Variants in MORN3 observed in about 807,000 individuals in gnomAD.
MORN3 encodes MORN repeat containing 3.
In MORN3, 38 loss-of-function variants were observed where a neutral mutation model predicts 34.7. That is an observed-to-expected ratio of 1.10 (90% CI 0.85 to 1.44). MORN3 has a LOEUF of 1.44. Ranked by LOEUF, MORN3 falls within the 40% of genes most tolerant of loss-of-function variation. MORN3 has a pLI of 0.00. For synonymous variants in MORN3, 109 were observed against 115.3 expected (o/e 0.95, Z 0.35); for missense variants, 311 against 321.7 (o/e 0.97, Z 0.25).
upstream of MORN3, among the ~76,000 whole-genome samples, chr12:121,669,828 ATATATTT>A (rs1002512074): frequency 1.2e-4 from 14 of 117,474 alleles, no homozygotes; most frequent in Admixed American, 1.1e-3. Flanking sequence ...ATATATATAT[ATATATTT>A]TTTTTTTTAT....
At chr12:121,669,851 C>T (rs1348647604), upstream of MORN3, among the ~76,000 whole-genome samples, 7 of 137,104 alleles carry the variant, frequency 5.1e-5, no homozygotes, top group Non-Finnish European at 1.1e-4. Flanking sequence ...TTTATGTCTT[C>T]TAAATATTTT....
chr12:121,654,308 G>A lies in MORN3; in HGVS notation c.429C>T (p.Asn143=), dbSNP rs368354522. ...NGDIYEGQWE[N]DKPNGEGMLR... The stretch of plus-strand genomic sequence containing the variant: ...GCATGCCCTCCCCGTTGGGCTTGTC[G>A]TTCTCCCACTGTCCCTCGTAGATGT... The change falls in exon 3 of 6, where the codon AAC becomes AAT. Residue 143 remains asparagine, a synonymous_variant. Transcript: ENST00000355329. 215 of 1,599,110 alleles carry A rather than the reference G, an allele frequency of 1.3e-4. No homozygotes were observed. The highest frequency in any genetic ancestry group is 7.6e-4 in the Admixed American group (44 of 57,648).
Position 121,659,172 on chromosome 12 carries a change from G to T in MORN3, c.303+19C>A. On this transcript the variant is annotated intron_variant, in intron 2 of 5. Transcript: ENST00000355329. Reference sequence around the variant, plus strand: ...ACACACACACACACACACACACCCCGGCTGGCAGGCCTGCTCACCGATTTC... The same window carrying T: ...ACACACACACACACACACACACCCCTGCTGGCAGGCCTGCTCACCGATTTC... 6.5e-7 allele frequency: 1 copy of T among 1,548,468 alleles called. No individual in the cohort carries two copies. Among genetic ancestry groups the T allele is most frequent in the Non-Finnish European group, 8.8e-7 (1 of 1,137,522 alleles).
chr12:121,658,022 C>T (rs1238802832), intron 2 of MORN3, among the ~76,000 whole-genome samples: 3 of 152,154 alleles, frequency 2.0e-5, no homozygotes, highest in Admixed American at 2.0e-4. Flanking sequence ...ATGATTTTAT[C>T]TCTGACCAAT....
intron 1 of MORN3, among the ~76,000 whole-genome samples, chr12:121,660,691 G>A (rs1390420491): frequency 5.9e-5 from 8 of 134,726 alleles, no homozygotes; most frequent in East Asian, 4.6e-4. Context: ...TTTTTAAGAC[G>A]GAGTTTTGCT....
intron 1 of MORN3, among the ~76,000 whole-genome samples, chr12:121,662,452 C>T (rs941015720): frequency 2.6e-5 from 4 of 151,748 alleles, no homozygotes; most frequent in Non-Finnish European, 4.4e-5. Context: ...GACGACAGAG[C>T]GAGACTGTCT....
intron 2 of MORN3, among the ~76,000 whole-genome samples, chr12:121,655,579 T>G (rs1219823757): frequency 6.6e-6 from 1 of 151,476 alleles, no homozygotes; most frequent in African/African-American, 2.4e-5. Flanking sequence ...AGTGTGGTGG[T>G]GGGCACCTGT....
chr12:121,671,186 T>TCACGA (rs1893956963), upstream of MORN3, among the ~76,000 whole-genome samples: 1 of 148,854 alleles, frequency 6.7e-6, no homozygotes, highest in Non-Finnish European at 1.5e-5. Flanking sequence ...GGCGGGTGGA[T>TCACGA]CACGAGGTCA....
chr12:121,658,891 G>A (rs1555326002), intron 2 of MORN3, among the ~76,000 whole-genome samples: 1 of 152,108 alleles, frequency 6.6e-6, no homozygotes, highest in Non-Finnish European at 1.5e-5. Flanking sequence ...GCCAGGAAAC[G>A]AGGGGGAAAA....
At chr12:121,654,202 C>T in intron 3 of MORN3, 72 bp downstream of exon 3, 1 of 1,264,816 alleles carries the variant, frequency 7.9e-7, no homozygotes, top group Non-Finnish European at 1.1e-6. Context: ...TCTGTGGGAC[C>T]AAATGGGCGT....
At position 121,650,579 on chromosome 12, in the gene MORN3, T is replaced by G. The variant is rs1893230900; in HGVS notation, c.*1072A>C. On this transcript the variant is annotated 3_prime_UTR_variant, in exon 6 of 6. Transcript: ENST00000355329. ...CAGGCTCGATGGCTCACACCTGTAA[T>G]CCCAGCACTTTAGGAGACTGAGCGG... 8.0e-6 allele frequency: 1 copy of G among 125,376 alleles called. No homozygotes were observed. The highest frequency in any genetic ancestry group is 1.6e-5 in the Non-Finnish European group (1 of 61,876). 7.8% of individuals were successfully genotyped at this position (125,376 alleles called of 1,614,324 possible).
intron 1 of MORN3, among the ~76,000 whole-genome samples, chr12:121,659,627 C>T (rs1893520760): frequency 6.6e-6 from 1 of 151,650 alleles, no homozygotes. Context: ...CTCTGCCTCC[C>T]GGGTTCAGGA....
At chr12:121,662,252 A>C (rs2136878030) in intron 1 of MORN3, among the ~76,000 whole-genome samples, 1 of 152,142 alleles carries the variant, frequency 6.6e-6, no homozygotes, top group South Asian at 2.1e-4. Context: ...AAATCACTTG[A>C]GGCTAGAAGT....
rs372751033 is a variant in MORN3, at chr12:121,657,596, G to A, written c.303+1595C>T. On this transcript the variant is annotated intron_variant, in intron 2 of 5. Coordinates refer to ENST00000355329, the MANE Select transcript of MORN3 (RefSeq NM_173855.5). ...AATAATACAACCCAGGGCCAGGCGC[G>A]GTGGCTCATGCCCGTAATCTTAGCA... is the stretch of plus-strand genomic sequence containing the variant. Among the ~76,000 whole-genome samples the A allele has an allele frequency of 6.6e-5, 10 of 152,068 alleles. No individual in the cohort carries two copies. The East Asian group carries it at 1.2e-3, about 18-fold the overall frequency.
chr12:121,651,594 T>G lies in MORN3; in HGVS notation c.*57A>C, dbSNP rs1349711533. Reference sequence around the variant, plus strand: ...TCCTCCAGCCAGAGCCGCACTGGTCTGAGCGATCGGGTGACACAGGCTTGA... The same window carrying G: ...TCCTCCAGCCAGAGCCGCACTGGTCGGAGCGATCGGGTGACACAGGCTTGA... On this transcript the variant is annotated 3_prime_UTR_variant, in exon 6 of 6. Transcript: ENST00000355329. 1 of 152,436 alleles carries G rather than the reference T, an allele frequency of 6.6e-6. No individual in the cohort carries two copies. The highest frequency in any genetic ancestry group is 1.9e-4 in the East Asian group (1 of 5,200). 9.4% of individuals were successfully genotyped at this position (152,436 alleles called of 1,614,324 possible).
At chr12:121,656,277 T>C (rs1893414038) in intron 2 of MORN3, among the ~76,000 whole-genome samples, 1 of 152,138 alleles carries the variant, frequency 6.6e-6, no homozygotes, top group African/African-American at 2.4e-5. Flanking sequence ...TTTTTCTTCC[T>C]GGCTAACTCC....
At chr12:121,661,304 G>T (rs1240640823) in intron 1 of MORN3, among the ~76,000 whole-genome samples, 1 of 152,132 alleles carries the variant, frequency 6.6e-6, no homozygotes, top group African/African-American at 2.4e-5. Context: ...ACCCAGGCTG[G>T]TCTTGAACTC....
chr12:121,669,466 G>T lies in MORN3; in HGVS notation c.18C>A (p.Cys6Ter). The T allele has an allele frequency of 6.2e-7, 1 of 1,613,806 alleles. No individual in the cohort carries two copies. Among genetic ancestry groups the T allele is most frequent in the South Asian group, 1.1e-5 (1 of 91,082 alleles). Residue 6 changes from cysteine (C) to a stop codon, truncating the protein, a stop_gained, in exon 1 of 6, where the codon TGC (cysteine) becomes TGA (stop). Coordinates refer to ENST00000355329, the MANE Select transcript of MORN3 (RefSeq NM_173855.5). LOFTEE classifies it high-confidence loss of function. ...TCCACAGGGACTCCGACTTTTTTGG[G>T]CACTTAGAGACTGGCATGGTGGCTG... MPVSK[C>*]PKKSESLWKG...
upstream of MORN3, among the ~76,000 whole-genome samples, chr12:121,671,595 A>G (rs1202501482): frequency 6.6e-6 from 1 of 151,892 alleles, no homozygotes; most frequent in Non-Finnish European, 1.5e-5. Flanking sequence ...AATAGGAATT[A>G]GCAAGGCCGG....
Sources: allele counts gnomAD v4.1 joint callset (sites outside exome capture counted in the v4.1 genomes callset), GRCh38; gene constraint gnomAD v4.1.1; transcripts MANE v1.5; gene names NCBI Gene and HGNC (gene_info 2026-07-23, HGNC 2026-07-21).